The following CPQ variants were observed in gnomAD, a reference collection of about 807,000 sequenced individuals.
CPQ encodes Ser-Met dipeptidase.
A neutral mutation model predicts 45.7 loss-of-function variants in CPQ; 37 were observed. The observed-to-expected ratio is 0.81, with a 90% CI of 0.62 to 1.07. The LOEUF is 1.07. CPQ is among the 50% of genes least tolerant of loss of function. The pLI, the probability that CPQ is intolerant of heterozygous loss-of-function variation, is 0.00. For synonymous variants in CPQ, 186 were observed against 205.8 expected (o/e 0.90, Z 0.82); for missense variants, 537 against 572.9 (o/e 0.94, Z 0.64).
At chr8:96,889,903 C>G (rs1271279009) in intron 4 of CPQ, among the ~76,000 whole-genome samples, 1 of 152,146 alleles carries the variant, frequency 6.6e-6, no homozygotes, top group African/African-American at 2.4e-5. Flanking sequence ...TCCACTGACT[C>G]AAATGTTAAT....
At chr8:96,811,573 G>C (rs961225635) in intron 2 of CPQ, among the ~76,000 whole-genome samples, 3 of 152,086 alleles carry the variant, frequency 2.0e-5, no homozygotes, top group Non-Finnish European at 4.4e-5. Flanking sequence ...TGCTGGTATA[G>C]TATATTATGC....
chr8:96,959,852 G>T (rs149381646), intron 4 of CPQ, among the ~76,000 whole-genome samples: 1,620 of 130,266 alleles, frequency 0.012, 35 homozygotes, highest in African/African-American at 0.045. Context: ...TTAAGACTAG[G>T]AGAAGACAGC....
chr8:96,697,766 C>G (rs112186239), intron 1 of CPQ, among the ~76,000 whole-genome samples: 3,324 of 151,866 alleles, frequency 0.022, 133 homozygotes, highest in African/African-American at 0.076. Context: ...ACAGTAGCTA[C>G]AAATAAAATT....
chr8:96,989,426 CGGAGGGAAGG>C lies in CPQ; in HGVS notation c.961+23387_961+23396del, dbSNP rs1391684423. On this transcript the variant is annotated intron_variant, in intron 5 of 7. Transcript: ENST00000220763. ...GAGAGGGGAGGGGAGGGGACAGGAG[CGGAGGGAAGG>C]GGAGGGGAGGGGAGGGGACAGGAGC... 2.8e-4 allele frequency among the ~76,000 whole-genome samples: 21 copies of C among 75,284 alleles called. No individual in the cohort carries two copies. The East Asian group carries it at 8.7e-3, about 31-fold the overall frequency. 49.4% of individuals were successfully genotyped at this position (75,284 alleles called of 152,430 possible).
chr8:96,653,326 T>C (rs1815599839), intron 1 of CPQ, among the ~76,000 whole-genome samples: 1 of 152,236 alleles, frequency 6.6e-6, no homozygotes, highest in Admixed American at 6.5e-5. Flanking sequence ...ATTAATGATG[T>C]TGAGCATTTT....
chr8:96,819,554 C>T (rs529692496), intron 2 of CPQ, among the ~76,000 whole-genome samples: 1 of 152,074 alleles, frequency 6.6e-6, no homozygotes, highest in Non-Finnish European at 1.5e-5. Flanking sequence ...GCAGAATGAG[C>T]AGGAGCATCA....
chr8:96,674,336 G>A (rs554906894), intron 1 of CPQ, among the ~76,000 whole-genome samples: 3 of 152,122 alleles, frequency 2.0e-5, no homozygotes, highest in South Asian at 2.1e-4. Context: ...TGATAAATAC[G>A]CTCATTTACA....
At chr8:96,812,585 C>T (rs549624901) in intron 2 of CPQ, among the ~76,000 whole-genome samples, 203 of 151,920 alleles carry the variant, frequency 1.3e-3, no homozygotes, top group South Asian at 4.8e-3. Flanking sequence ...TTACTTAGTT[C>T]CAAATATAAA....
intron 1 of CPQ, among the ~76,000 whole-genome samples, chr8:96,731,626 T>C (rs567501135): frequency 6.6e-6 from 1 of 152,118 alleles, no homozygotes; most frequent in Non-Finnish European, 1.5e-5. Flanking sequence ...ATAATTCAGA[T>C]AAACTGTTAA....
chr8:96,838,781 T>C (rs1259771125), intron 3 of CPQ, among the ~76,000 whole-genome samples: 2 of 152,116 alleles, frequency 1.3e-5, no homozygotes, highest in African/African-American at 2.4e-5. Flanking sequence ...ATGGCAGGGC[T>C]CTCGTAACAA....
At chr8:96,842,846 G>T (rs12549753) in intron 3 of CPQ, among the ~76,000 whole-genome samples, 10,554 of 152,036 alleles carry the variant, frequency 0.069, 400 homozygotes, top group Middle Eastern at 0.11. Context: ...GTAAAATGGG[G>T]GAAATATCTT....
chr8:96,736,686 A>C (rs1371584466), intron 1 of CPQ, among the ~76,000 whole-genome samples: 2 of 152,212 alleles, frequency 1.3e-5, no homozygotes, highest in African/African-American at 4.8e-5. Context: ...ATATTGTGTT[A>C]ATCTGCTGTA....
At chr8:96,926,622 T>TCTC (rs1194019208) in intron 4 of CPQ, among the ~76,000 whole-genome samples, 2 of 123,784 alleles carry the variant, frequency 1.6e-5, no homozygotes, top group Non-Finnish European at 3.3e-5. Context: ...TTCTTCTTCT[T>TCTC]CTCCTCCTTC....
At chr8:96,666,805 A>T (rs1261342925) in intron 1 of CPQ, among the ~76,000 whole-genome samples, 1 of 152,098 alleles carries the variant, frequency 6.6e-6, no homozygotes, top group Non-Finnish European at 1.5e-5. Context: ...TCTAAAGCCT[A>T]TATAGTTCCT....
At chr8:97,123,474 T>G (rs1811793239) in intron 7 of CPQ, among the ~76,000 whole-genome samples, 1 of 151,490 alleles carries the variant, frequency 6.6e-6, no homozygotes, top group African/African-American at 2.4e-5. Flanking sequence ...AAGACTGTGA[T>G]AGTTAAAATG....
At chr8:96,935,577 C>T (rs1297902666) in intron 4 of CPQ, among the ~76,000 whole-genome samples, 2 of 152,144 alleles carry the variant, frequency 1.3e-5, no homozygotes, top group Non-Finnish European at 2.9e-5. Context: ...CACCCTCACA[C>T]AACCCACCAC....
intron 5 of CPQ, among the ~76,000 whole-genome samples, chr8:96,991,375 G>A (rs1225737112): frequency 6.6e-6 from 1 of 151,896 alleles, no homozygotes. Context: ...TGGCCAACAT[G>A]GCAAAACCCC....
intron 1 of CPQ, among the ~76,000 whole-genome samples, chr8:96,665,795 A>G (rs1421655321): frequency 6.6e-6 from 1 of 152,122 alleles, no homozygotes; most frequent in African/African-American, 2.4e-5. Context: ...AGTATATGGT[A>G]GGCAAATGGG....
At chr8:97,127,362 A>C (rs1428320657) in intron 7 of CPQ, among the ~76,000 whole-genome samples, 1 of 152,206 alleles carries the variant, frequency 6.6e-6, no homozygotes, top group Non-Finnish European at 1.5e-5. Flanking sequence ...ACCAATCCCC[A>C]GTAAGTACAT....
Sources: allele counts gnomAD v4.1 joint callset (sites outside exome capture counted in the v4.1 genomes callset), GRCh38; gene constraint gnomAD v4.1.1; transcripts MANE v1.5; gene names NCBI Gene and HGNC (gene_info 2026-07-23, HGNC 2026-07-21).